Variants in PALLD observed in about 807,000 individuals in gnomAD.
PALLD encodes the protein palladin.
PALLD carries 61 observed loss-of-function variants against 123.5 expected under a neutral mutation model. The observed-to-expected ratio is 0.49, with a 90% confidence interval of 0.40 to 0.61. The LOEUF (loss-of-function observed/expected upper bound fraction) is 0.61, where lower values mean the gene tolerates loss of function less well. PALLD is among the 20% of genes least tolerant of loss of function. The probability of loss-of-function intolerance (pLI) is 0.00; values close to 1 mark genes in which losing one functional copy is unlikely to be tolerated. For missense variants in PALLD, 1,273 were observed against 1,377.0 expected (o/e 0.92, Z 1.20); for synonymous variants, 465 against 496.4 (o/e 0.94, Z 0.84).
intron 10 of PALLD, among the ~76,000 whole-genome samples, chr4:168,766,232 T>G (rs1733645635): frequency 6.6e-6 from 1 of 152,260 alleles, no homozygotes. Context: ...CCACCTTTTT[T>G]GTATGCCTAG....
At chr4:168,675,987 T>C (rs983556261) in intron 3 of PALLD, among the ~76,000 whole-genome samples, 3 of 152,096 alleles carry the variant, frequency 2.0e-5, no homozygotes, top group African/African-American at 7.2e-5. Context: ...GCCCAGCAGG[T>C]CAAGGCAGAA....
At chr4:168,641,979 A>G (rs1289202556) in intron 2 of PALLD, among the ~76,000 whole-genome samples, 1 of 152,232 alleles carries the variant, frequency 6.6e-6, no homozygotes, top group Non-Finnish European at 1.5e-5. Context: ...GGGCATGCAC[A>G]GTACACAGGC....
At chr4:168,612,254 CAAAAAAAA>C (rs5863950) in intron 2 of PALLD, among the ~76,000 whole-genome samples, 3 of 127,126 alleles carry the variant, frequency 2.4e-5, no homozygotes, top group African/African-American at 8.5e-5. Flanking sequence ...TCTAGGTTTA[CAAAAAAAA>C]AAAAAAAAAT....
chr4:168,678,856 T>C (rs1200281312), intron 3 of PALLD, among the ~76,000 whole-genome samples: 1 of 138,168 alleles, frequency 7.2e-6, no homozygotes, highest in Non-Finnish European at 1.6e-5. Context: ...GTGTGTGTGG[T>C]GTGTCGTGTG....
At chr4:168,902,195 A>G (rs1756665673) in intron 14 of PALLD, among the ~76,000 whole-genome samples, 1 of 152,260 alleles carries the variant, frequency 6.6e-6, no homozygotes, top group African/African-American at 2.4e-5. Flanking sequence ...ACCAATTTAC[A>G]TACTGATTTA....
intron 10 of PALLD, chr4:168,863,902 A>C (rs1296493575): frequency 2.4e-4 from 37 of 152,146 alleles, no homozygotes; most frequent in Admixed American, 2.4e-3. Context: ...CCTGGTATGA[A>C]CTCCTTGTGC....
At chr4:168,708,657 T>C (rs1784440373) in intron 8 of PALLD, among the ~76,000 whole-genome samples, 1 of 152,206 alleles carries the variant, frequency 6.6e-6, no homozygotes, top group African/African-American at 2.4e-5. Flanking sequence ...GGTAGCTGTA[T>C]GTACAGAAAG....
chr4:168,565,747 A>T (rs1187387883), intron 2 of PALLD, among the ~76,000 whole-genome samples: 1 of 152,198 alleles, frequency 6.6e-6, no homozygotes, highest in Non-Finnish European at 1.5e-5. Context: ...CATTGTCACC[A>T]TCACCCCACT....
chr4:168,709,966 G>A (rs1208427152), intron 9 of PALLD, among the ~76,000 whole-genome samples: 1 of 152,082 alleles, frequency 6.6e-6, no homozygotes, highest in African/African-American at 2.4e-5. Context: ...CACTTTCTCA[G>A]CAGTGCCAAC....
chr4:168,624,800 AC>A (rs1166307878), intron 2 of PALLD, among the ~76,000 whole-genome samples: 1 of 152,150 alleles, frequency 6.6e-6, no homozygotes, highest in African/African-American at 2.4e-5. Context: ...GAGAGAAAAG[AC>A]CCCATTTACA....
chr4:168,665,978 CA>C (rs11295343), intron 2 of PALLD, among the ~76,000 whole-genome samples: 85,296 of 147,154 alleles, frequency 0.58, 24,924 homozygotes, highest in African/African-American at 0.73. Flanking sequence ...CGCCCCCCAC[CA>C]AAAAAAAAAA....
intron 10 of PALLD, among the ~76,000 whole-genome samples, chr4:168,840,729 G>C (rs1038622615): frequency 1.2e-4 from 19 of 152,322 alleles, no homozygotes; most frequent in African/African-American, 4.6e-4. Context: ...GTTGAGATAT[G>C]TGAAAGGCAG....
chr4:168,601,230 C>T (rs1271787079), intron 2 of PALLD, among the ~76,000 whole-genome samples: 1 of 151,928 alleles, frequency 6.6e-6, no homozygotes, highest in Non-Finnish European at 1.5e-5. Flanking sequence ...AAAGAGGCAT[C>T]TCTCACATCC....
intron 2 of PALLD, among the ~76,000 whole-genome samples, chr4:168,567,518 T>C (rs1222626113): frequency 2.7e-5 from 4 of 149,530 alleles, no homozygotes; most frequent in African/African-American, 9.8e-5. Context: ...TGTCCATCAA[T>C]GGTTGATTGG....
At chr4:168,578,778 T>C (rs1301585058) in intron 2 of PALLD, among the ~76,000 whole-genome samples, 4 of 152,004 alleles carry the variant, frequency 2.6e-5, no homozygotes, top group Non-Finnish European at 4.4e-5. Context: ...GGTAATATGA[T>C]AGATCAATGG....
chr4:168,825,684 A>G (rs1029362551), intron 10 of PALLD, among the ~76,000 whole-genome samples: 10 of 152,128 alleles, frequency 6.6e-5, no homozygotes, highest in Non-Finnish European at 1.5e-4. Context: ...CATTCTTCTG[A>G]AAACGGCGCT....
At chr4:168,799,901 G>C (rs1239199591) in intron 10 of PALLD, among the ~76,000 whole-genome samples, 2 of 152,066 alleles carry the variant, frequency 1.3e-5, no homozygotes, top group Non-Finnish European at 2.9e-5. Context: ...GAGCATTTGT[G>C]TACTGTATGT....
At chr4:168,668,952 G>A (rs2150016606) in intron 3 of PALLD, among the ~76,000 whole-genome samples, 1 of 152,172 alleles carries the variant, frequency 6.6e-6, no homozygotes, top group East Asian at 1.9e-4. Context: ...CAGTCTCCAG[G>A]GAGTTGAAAA....
chr4:168,863,678 TTTA>T (rs1297215956), intron 10 of PALLD: 1 of 152,250 alleles, frequency 6.6e-6, no homozygotes, highest in Non-Finnish European at 1.5e-5. Flanking sequence ...CTTGAGTGAC[TTTA>T]TTGTCTTCTG....
Sources: allele counts gnomAD v4.1 joint callset (sites outside exome capture counted in the v4.1 genomes callset), GRCh38; gene constraint gnomAD v4.1.1; transcripts MANE v1.5; gene names NCBI Gene and HGNC (gene_info 2026-07-23, HGNC 2026-07-21).